FAM135B: variants seen among roughly 807,000 people sequenced by gnomAD.
FAM135B encodes family with sequence similarity 135 member B.
A neutral mutation model predicts 127.7 loss-of-function variants in FAM135B; 43 were observed. That is an observed-to-expected ratio of 0.34 (90% CI 0.26 to 0.43). The LOEUF is 0.43. FAM135B is among the 20% of genes least tolerant of loss of function. The pLI is 1.00. For missense variants in FAM135B, 1,558 were observed against 1,725.6 expected (o/e 0.90, Z 1.72); for synonymous variants, 670 against 665.1 (o/e 1.01, Z -0.11).
intron 1 of FAM135B, among the ~76,000 whole-genome samples, chr8:138,382,870 A>G (rs535868258): frequency 6.6e-6 from 1 of 152,244 alleles, no homozygotes; most frequent in Non-Finnish European, 1.5e-5. Flanking sequence ...TTCCTTCAAA[A>G]CCTGTCCTGC....
intron 1 of FAM135B, among the ~76,000 whole-genome samples, chr8:138,396,396 T>C (rs1171161905): frequency 6.6e-6 from 1 of 152,154 alleles, no homozygotes; most frequent in African/African-American, 2.4e-5. Context: ...GCTCCGTCAA[T>C]ACCTTCTTGA....
chr8:138,173,540 T>C (rs1814117331), intron 11 of FAM135B, among the ~76,000 whole-genome samples: 1 of 152,126 alleles, frequency 6.6e-6, no homozygotes, highest in Non-Finnish European at 1.5e-5. Context: ...AGTACCTACC[T>C]CATAGAGTTC....
chr8:138,453,096 C>T (rs904073463), intron 1 of FAM135B, among the ~76,000 whole-genome samples: 8 of 152,030 alleles, frequency 5.3e-5, no homozygotes, highest in Admixed American at 3.3e-4. Flanking sequence ...TCTCAGCAGC[C>T]GGACAGCACA....
chr8:138,434,944 G>A (rs941006513), intron 1 of FAM135B, among the ~76,000 whole-genome samples: 1 of 152,168 alleles, frequency 6.6e-6, no homozygotes, highest in Non-Finnish European at 1.5e-5. Flanking sequence ...CTGAATACAA[G>A]TTTCCTCTGG....
chr8:138,380,660 T>C (rs1280110444), intron 1 of FAM135B, among the ~76,000 whole-genome samples: 3 of 152,012 alleles, frequency 2.0e-5, no homozygotes, highest in Non-Finnish European at 4.4e-5. Context: ...TGTCTCCAGA[T>C]TTGTAGCCCG....
chr8:138,416,397 A>G (rs1028259760), intron 1 of FAM135B, among the ~76,000 whole-genome samples: 2 of 152,206 alleles, frequency 1.3e-5, no homozygotes, highest in Admixed American at 1.3e-4. Flanking sequence ...TGTTTTGCAC[A>G]ATGTTTGGTA....
At position 138,486,769 on chromosome 8, in the gene FAM135B, C is replaced by T. The variant is rs182929314; in HGVS notation, c.-20+9902G>A. Among the ~76,000 whole-genome samples the T allele has an allele frequency of 3.3e-4, 50 of 152,298 alleles. 1 individual carries two copies. The highest frequency in any genetic ancestry group is 1.0e-3 in the African/African-American group (42 of 41,558). On this transcript the variant is annotated intron_variant, in intron 1 of 19. Transcript: ENST00000395297. The stretch of plus-strand genomic sequence containing the variant: ...CTGAAGGTACCTGCTCAGCCAATCA[C>T]TTGCACAAGAATCTCCATTTCAGTT...
chr8:138,462,606 AC>A (rs1464769205), intron 1 of FAM135B, among the ~76,000 whole-genome samples: 2 of 152,118 alleles, frequency 1.3e-5, no homozygotes, highest in African/African-American at 4.8e-5. Flanking sequence ...CAGGCTCAGG[AC>A]CCCAACTCAT....
chr8:138,348,115 CT>C (rs1283170343), intron 2 of FAM135B, among the ~76,000 whole-genome samples: 10 of 112,364 alleles, frequency 8.9e-5, no homozygotes, highest in Non-Finnish European at 1.5e-4. Context: ...ATTAGTTCTT[CT>C]TTTTCCTCCT....
At chr8:138,463,908 C>T in intron 1 of FAM135B, among the ~76,000 whole-genome samples, 1 of 152,106 alleles carries the variant, frequency 6.6e-6, no homozygotes, top group East Asian at 1.9e-4. Flanking sequence ...TTAAAATAAC[C>T]AACATGTATA....
In FAM135B at chr8:138,316,479, A is replaced by G. The variant is rs371737900; in HGVS notation, c.78-5559T>C. Among the ~76,000 whole-genome samples, 15 of 150,984 alleles carry G rather than the reference A, an allele frequency of 9.9e-5. No individual in the cohort carries two copies. In the East Asian group the frequency reaches 1.2e-3, roughly 12 times the overall value. ...ACAGCACTCCCGCCTGGGCGACAGA[A>G]CGAGACTCCGTCTCAAAAAACAAAA... On this transcript the variant is annotated intron_variant, in intron 2 of 19. Transcript: ENST00000395297.
chr8:138,141,712 C>T lies in FAM135B; in HGVS notation c.3639-363G>A, dbSNP rs1817166241. 6.6e-6 allele frequency among the ~76,000 whole-genome samples: 1 copy of T among 152,120 alleles called. No individual in the cohort carries two copies. Among genetic ancestry groups the T allele is most frequent in the Non-Finnish European group, 1.5e-5 (1 of 68,020 alleles). Reference sequence around the variant, plus strand: ...CCTGGTCATTCACAGGATCAAGTCCCAAGTCCTTATCCTGCTTGGGAGGCC... The same window carrying T: ...CCTGGTCATTCACAGGATCAAGTCCTAAGTCCTTATCCTGCTTGGGAGGCC... On this transcript the variant is annotated intron_variant, in intron 16 of 19. Coordinates refer to ENST00000395297, the MANE Select transcript of FAM135B (RefSeq NM_015912.4). The surrounding 1 kb of genome is among the most constrained non-coding windows in gnomAD (Gnocchi z 4.7).
intron 4 of FAM135B, among the ~76,000 whole-genome samples, chr8:138,257,890 A>T (rs1011658794): frequency 7.0e-4 from 100 of 142,236 alleles, no homozygotes; most frequent in African/African-American, 1.6e-3. Context: ...AAAAATAAAA[A>T]AAAAAATAAA....
chr8:138,214,512 G>A (rs751634878), intron 7 of FAM135B, among the ~76,000 whole-genome samples: 6 of 152,144 alleles, frequency 3.9e-5, no homozygotes, highest in Non-Finnish European at 8.8e-5. Context: ...ATGATTTTAG[G>A]AGTCTGATAA....
At chr8:138,269,353 G>C (rs372378709) in intron 3 of FAM135B, among the ~76,000 whole-genome samples, 31 of 152,284 alleles carry the variant, frequency 2.0e-4, no homozygotes, top group Admixed American at 4.6e-4. Context: ...CACCCTTAGG[G>C]ACCATCTACT....
In FAM135B at chr8:138,385,641, T is replaced by C. The variant is rs118001384; in HGVS notation, c.-19-17639A>G. 9.2e-3 allele frequency among the ~76,000 whole-genome samples: 1,406 copies of C among 152,020 alleles called. 16 individuals carry two copies. Among genetic ancestry groups the C allele is most frequent in the Admixed American group, 0.029 (438 of 15,266 alleles). On this transcript the variant is annotated intron_variant, in intron 1 of 19. Coordinates refer to ENST00000395297, the MANE Select transcript of FAM135B (RefSeq NM_015912.4). ...GCCTGGCCAACATGGTGAAACACTGTGTCTACTAAAAAACACAAAAATTAG... is the reference window on the plus strand; with the variant it reads ...GCCTGGCCAACATGGTGAAACACTGCGTCTACTAAAAAACACAAAAATTAG...
chr8:138,143,783 G>A (rs771904372), intron 15 of FAM135B, among the ~76,000 whole-genome samples: 14 of 152,316 alleles, frequency 9.2e-5, no homozygotes, highest in Middle Eastern at 3.4e-3. Flanking sequence ...TGTTTGAAAA[G>A]TTCCTCATAT....
chr8:138,173,158 G>A (rs1333421350), intron 11 of FAM135B, among the ~76,000 whole-genome samples: 1 of 152,132 alleles, frequency 6.6e-6, no homozygotes, highest in African/African-American at 2.4e-5. Context: ...CGGCACATAG[G>A]GAAAGAGTCT....
chr8:138,479,003 C>T (rs1814648635), intron 1 of FAM135B, among the ~76,000 whole-genome samples: 1 of 152,166 alleles, frequency 6.6e-6, no homozygotes, highest in Admixed American at 6.5e-5. Context: ...GTTCCCACAA[C>T]CTCCTCATCA....
Sources: gnomAD v4.1 joint callset for allele counts (sites outside exome capture counted in the v4.1 genomes callset) on GRCh38, gnomAD v4.1.1 for gene constraint, Gnocchi (gnomAD v3.1) non-coding constraint, MANE v1.5 for transcripts, NCBI Gene and HGNC (gene_info 2026-07-23, HGNC 2026-07-21) for gene names.